MEPE: variants seen among roughly 807,000 people sequenced by gnomAD.
The protein encoded by MEPE is matrix, extracellular phosphoglycoprotein with ASARM motif (bone).
MEPE carries 7 observed loss-of-function variants against 7.3 expected under a neutral mutation model. That is an observed-to-expected ratio of 0.95 (90% CI 0.54 to 1.79). The LOEUF is 1.79. Ranked by LOEUF, MEPE falls within the 40% of genes most tolerant of loss-of-function variation. MEPE has a pLI of 0.00. For synonymous variants in MEPE, 214 were observed against 213.1 expected, an observed-to-expected ratio of 1.00 and a Z score of -0.04; for missense variants, 623 against 628.2, an observed-to-expected ratio of 0.99 and a Z score of 0.09.
intron 2 of MEPE, among the ~76,000 whole-genome samples, chr4:87,835,262 T>C (rs973617236): frequency 3.9e-5 from 6 of 152,238 alleles, no homozygotes; most frequent in African/African-American, 1.4e-4. Flanking sequence ...TTTCTCTTCA[T>C]CAGCGAGGCT....
chr4:87,846,155 T>G lies in MEPE; in HGVS notation c.1287T>G (p.Ser429Arg). Residue 429 changes from serine to arginine, a missense_variant, in exon 4 of 4, where the codon AGT becomes AGG. Transcript: ENST00000361056. ...ATLNEKQRFP[S>R]KGKSQGLPIP... ...TAAATGAAAAACAAAGGTTTCCTAG[T>G]AAGGGCAAAAGTCAGGGCCTGCCCA... 6.2e-7 allele frequency: 1 copy of G among 1,614,048 alleles called. No homozygotes were observed. Among genetic ancestry groups the G allele is most frequent in the South Asian group, 1.1e-5 (1 of 91,068 alleles).
rs371073651 is a variant in MEPE, at chr4:87,836,241, T to C, written c.54+1473T>C. Among the ~76,000 whole-genome samples, 25 of 152,296 alleles carry C rather than the reference T, an allele frequency of 1.6e-4. No homozygotes were observed. The East Asian group carries it at 4.2e-3, about 26-fold the overall frequency. On this transcript the variant is annotated intron_variant, in intron 2 of 3. Transcript: ENST00000361056. ...GCCACTTGCATACGTCTTAGAATTA[T>C]AAGCCAAATTCTAAATGATTTTTAA... is the stretch of plus-strand genomic sequence containing the variant.
chr4:87,837,228 A>G (rs993101026), intron 2 of MEPE, among the ~76,000 whole-genome samples: 2 of 152,132 alleles, frequency 1.3e-5, no homozygotes, highest in African/African-American at 2.4e-5. Flanking sequence ...GGAAAAAAAA[A>G]GGTGCTGCTC....
chr4:87,829,327 T>C (rs1407704836), upstream of MEPE, among the ~76,000 whole-genome samples: 2 of 152,138 alleles, frequency 1.3e-5, no homozygotes, highest in African/African-American at 4.8e-5. Context: ...CTACTGCCAG[T>C]TCACCCCTTG....
At chr4:87,839,459 T>C (rs899677624) in intron 3 of MEPE, among the ~76,000 whole-genome samples, 1 of 152,090 alleles carries the variant, frequency 6.6e-6, no homozygotes, top group African/African-American at 2.4e-5. Context: ...TGACAGGCCC[T>C]TAGGGAAAAC....
At chr4:87,835,283 C>A (rs568893183) in intron 2 of MEPE, among the ~76,000 whole-genome samples, 2 of 152,172 alleles carry the variant, frequency 1.3e-5, no homozygotes, top group African/African-American at 4.8e-5. Context: ...AGAGGTGGGA[C>A]GTAGTACCTC....
chr4:87,842,551 A>T (rs374057785), intron 3 of MEPE, among the ~76,000 whole-genome samples: 140 of 152,290 alleles, frequency 9.2e-4, no homozygotes, highest in South Asian at 6.8e-3. Flanking sequence ...TCAAGGTCTG[A>T]TTTGGAACCC....
intron 3 of MEPE, chr4:87,839,550 A>G (rs17013278): frequency 0.089 from 56,634 of 638,494 alleles, 2,810 homozygotes; most frequent in South Asian, 0.13. Flanking sequence ...CTGTGGTTAT[A>G]AGAAGTACTA....
chr4:87,839,696 GGGTCACTATGAGAAACAT>G, intron 3 of MEPE: 1 of 1,549,488 alleles, frequency 6.5e-7, no homozygotes, highest in East Asian at 2.4e-5. Context: ...TAACATACAA[GGGTCACTATGAGAAACAT>G]GGGCATTATG....
chr4:87,841,036 A>G (rs940737154), intron 3 of MEPE, among the ~76,000 whole-genome samples: 5 of 152,232 alleles, frequency 3.3e-5, no homozygotes, highest in Admixed American at 3.3e-4. Context: ...ACCACAGGAT[A>G]AAAGTTGTTT....
chr4:87,839,743 T>C lies in MEPE; in HGVS notation c.108+1058T>C, dbSNP rs1470688029. The stretch of plus-strand genomic sequence containing the variant: ...CATTATGTTTTTAAGTGTGTTTACA[T>C]GTCACCTGAGAAGAAAAATCAAACT... On this transcript the variant is annotated intron_variant, in intron 3 of 3. Coordinates refer to ENST00000361056, the MANE Select transcript of MEPE (RefSeq NM_020203.6). 18 of 1,550,186 alleles carry C rather than the reference T, an allele frequency of 1.2e-5. No homozygotes were observed. In the East Asian group the frequency reaches 3.4e-4, roughly 29 times the overall value.
chr4:87,824,686 T>C (rs1226584279), intron 1 of MEPE, among the ~76,000 whole-genome samples: 1 of 152,240 alleles, frequency 6.6e-6, no homozygotes, highest in Admixed American at 6.5e-5. Context: ...ACTTAAGAGA[T>C]AAATTGTATC....
upstream of MEPE, among the ~76,000 whole-genome samples, chr4:87,831,823 T>C (rs2109993065): frequency 6.6e-6 from 1 of 152,266 alleles, no homozygotes; most frequent in Non-Finnish European, 1.5e-5. Flanking sequence ...GGCTTTTATT[T>C]CTGGGGCACT....
intron 2 of MEPE, among the ~76,000 whole-genome samples, chr4:87,836,507 G>C (rs1469890274): frequency 1.3e-5 from 2 of 151,720 alleles, no homozygotes; most frequent in Admixed American, 1.3e-4. Context: ...TCATTTTTAT[G>C]CTTTCTTCTT....
intron 1 of MEPE, among the ~76,000 whole-genome samples, chr4:87,824,267 C>A (rs1015962749): frequency 3.3e-5 from 5 of 152,188 alleles, no homozygotes; most frequent in Non-Finnish European, 1.5e-5. Flanking sequence ...CAGCTAGAAC[C>A]AAGATCAAGC....
intron 2 of MEPE, among the ~76,000 whole-genome samples, chr4:87,837,146 A>G (rs1722826282): frequency 6.6e-6 from 1 of 152,182 alleles, no homozygotes; most frequent in Non-Finnish European, 1.5e-5. Context: ...AGTATAAGGA[A>G]GAACAGAAAA....
At chr4:87,831,170 T>C (rs1578053425), upstream of MEPE, among the ~76,000 whole-genome samples, 1 of 152,250 alleles carries the variant, frequency 6.6e-6, no homozygotes, top group East Asian at 1.9e-4. Flanking sequence ...ACTATTACAA[T>C]TATTTTGGTA....
chr4:87,845,672 AGGAGAAGCTACT>A lies in MEPE; in HGVS notation c.807_818del (p.Glu270_Gly273del). On this transcript the variant is annotated inframe_deletion, in exon 4 of 4. Transcript: ENST00000361056. ...AACCTTTTAAGGACATTCCTGGTAA[AGGAGAAGCTACT>A]GGTCCTGACCTAGAAGGCAAAGATA... 2 of 1,613,768 alleles carry A rather than the reference AGGAGAAGCTACT, an allele frequency of 1.2e-6. No individual in the cohort carries two copies. Among genetic ancestry groups the A allele is most frequent in the Non-Finnish European group, 1.7e-6 (2 of 1,179,882 alleles).
At chr4:87,837,941 C>T (rs1023452800) in intron 2 of MEPE, among the ~76,000 whole-genome samples, 4 of 152,152 alleles carry the variant, frequency 2.6e-5, no homozygotes, top group African/African-American at 7.2e-5. Context: ...CATTTCTGCC[C>T]TTTCTGCGCT....
Sources: allele counts gnomAD v4.1 joint callset (sites outside exome capture counted in the v4.1 genomes callset), GRCh38; gene constraint gnomAD v4.1.1; transcripts MANE v1.5; gene names NCBI Gene and HGNC (gene_info 2026-07-23, HGNC 2026-07-21).